Variants in RAB3IP observed in about 807,000 individuals in gnomAD.
The protein encoded by RAB3IP is RAB3A interacting protein, also known as rab-3A-interacting protein.
In RAB3IP, 36 loss-of-function variants were observed where a neutral mutation model predicts 59.1. The observed-to-expected ratio is 0.61, with a 90% confidence interval of 0.47 to 0.80. The LOEUF is 0.80. Among genes scored for constraint, RAB3IP ranks in the 30% least tolerant of loss-of-function variants. The pLI is 0.00. For missense variants in RAB3IP, 511 were observed against 536.0 expected (o/e 0.95, Z 0.46); for synonymous variants, 207 against 191.2 (o/e 1.08, Z -0.68).
At chr12:69,811,354 T>C (rs1880430621) in intron 8 of RAB3IP, among the ~76,000 whole-genome samples, 1 of 152,194 alleles carries the variant, frequency 6.6e-6, no homozygotes, top group Non-Finnish European at 1.5e-5. Context: ...TTTACCTATG[T>C]AATAAACCTG....
intron 4 of RAB3IP, among the ~76,000 whole-genome samples, chr12:69,793,104 A>T (rs768048769): frequency 6.0e-5 from 9 of 150,560 alleles, no homozygotes; most frequent in Non-Finnish European, 1.3e-4. Flanking sequence ...AGCAAATCTG[A>T]AACATTTGTT....
At position 69,822,979 on chromosome 12, in the gene RAB3IP, G is replaced by A. The variant is rs1426473498; in HGVS notation, c.*7533G>A. Reference sequence around the variant, plus strand: ...TATCCTGTACCACTGTAGGATGACTGTAGTTAACAATAATGTGTAGTTTCA... The same window carrying A: ...TATCCTGTACCACTGTAGGATGACTATAGTTAACAATAATGTGTAGTTTCA... On this transcript the variant is annotated 3_prime_UTR_variant, in exon 11 of 11. Transcript: ENST00000247833. The A allele has an allele frequency of 6.6e-6, 1 of 152,108 alleles. No individual in the cohort carries two copies. Among genetic ancestry groups the A allele is most frequent in the Admixed American group, 6.5e-5 (1 of 15,270 alleles). The allele number at this position is 152,108 out of a possible 1,614,324, so 9.4% of individuals were successfully genotyped here.
chr12:69,811,745 G>T (rs1448229631), intron 8 of RAB3IP, among the ~76,000 whole-genome samples: 1 of 152,112 alleles, frequency 6.6e-6, no homozygotes. Context: ...GAATTGATTT[G>T]TGATTTGAAT....
Position 69,819,082 on chromosome 12 carries a change from T to A in RAB3IP, c.*3636T>A, listed in dbSNP as rs1388794783. ...GGGCAACGTAGACCTTGCCCCCCTT[T>A]AAAAAAATTCAAAAACAAAATAAAT... On this transcript the variant is annotated 3_prime_UTR_variant, in exon 11 of 11. Transcript: ENST00000247833. 1 of 152,026 alleles carries A rather than the reference T, an allele frequency of 6.6e-6. No homozygotes were observed. Among genetic ancestry groups the A allele is most frequent in the African/African-American group, 2.4e-5 (1 of 41,372 alleles). 9.4% of individuals were successfully genotyped at this position (152,026 alleles called of 1,614,324 possible).
chr12:69,806,931 G>T (rs571344296), intron 8 of RAB3IP, among the ~76,000 whole-genome samples: 2 of 151,984 alleles, frequency 1.3e-5, no homozygotes, highest in East Asian at 3.9e-4. Flanking sequence ...CAAGGCAGAA[G>T]AATTTTTCTT....
intron 3 of RAB3IP, among the ~76,000 whole-genome samples, chr12:69,768,482 A>G (rs1290445328): frequency 1.3e-5 from 2 of 152,092 alleles, no homozygotes; most frequent in African/African-American, 2.4e-5. Context: ...CTGCTATGCT[A>G]CAGTGTATGC....
chr12:69,815,095 G>A (rs113122062), intron 10 of RAB3IP, among the ~76,000 whole-genome samples: 4 of 152,280 alleles, frequency 2.6e-5, no homozygotes, highest in African/African-American at 9.6e-5. Flanking sequence ...ATTTACTCAG[G>A]ATGCTGAATG....
chr12:69,769,168 C>G (rs557283957), intron 3 of RAB3IP, among the ~76,000 whole-genome samples: 3 of 152,144 alleles, frequency 2.0e-5, no homozygotes, highest in African/African-American at 4.8e-5. Context: ...ACTGTAAGTC[C>G]GTTAAACCTC....
chr12:69,804,552 A>G (rs1878930548), intron 8 of RAB3IP, among the ~76,000 whole-genome samples: 2 of 152,202 alleles, frequency 1.3e-5, no homozygotes, highest in Admixed American at 6.5e-5. Context: ...TTGGTGTTTT[A>G]GACATGAAGT....
chr12:69,806,791 A>C (rs1185265520), intron 8 of RAB3IP, among the ~76,000 whole-genome samples: 1 of 152,062 alleles, frequency 6.6e-6, no homozygotes, highest in Non-Finnish European at 1.5e-5. Context: ...CTTAATGAGC[A>C]TGCAGCCTTT....
At chr12:69,740,526 AGT>A (rs1592413678) in intron 1 of RAB3IP, among the ~76,000 whole-genome samples, 2 of 152,200 alleles carry the variant, frequency 1.3e-5, no homozygotes, top group African/African-American at 4.8e-5. Flanking sequence ...TGTGAACCAA[AGT>A]GTTTGATACA....
intron 3 of RAB3IP, among the ~76,000 whole-genome samples, chr12:69,772,528 AAT>A (rs139340776): frequency 1.4e-3 from 206 of 152,244 alleles, no homozygotes; most frequent in African/African-American, 4.2e-3. Flanking sequence ...TTTCTCTAGT[AAT>A]ATGTTTTGAC....
intron 1 of RAB3IP, chr12:69,739,494 A>G (rs912624241): frequency 1.3e-5 from 4 of 301,014 alleles, no homozygotes; most frequent in Non-Finnish European, 2.5e-5. Context: ...GAAGCAGCTC[A>G]CAACACCGGA....
chr12:69,805,744 A>G lies in RAB3IP; in HGVS notation c.1130+4023A>G, dbSNP rs556903181. ...TTTGTCAAAGGCCTTTTCTGCATCT[A>G]TTGAGATAATCATGTGGTTTTTGTC... On this transcript the variant is annotated intron_variant, in intron 8 of 10. Transcript: ENST00000247833. 6.9e-3 allele frequency among the ~76,000 whole-genome samples: 1,046 copies of G among 152,142 alleles called. 8 individuals carry two copies. The highest frequency in any genetic ancestry group is 0.023 in the African/African-American group (952 of 41,478).
At chr12:69,807,097 G>A (rs1021991593) in intron 8 of RAB3IP, among the ~76,000 whole-genome samples, 29 of 152,232 alleles carry the variant, frequency 1.9e-4, no homozygotes, top group Middle Eastern at 3.4e-3. Flanking sequence ...CTGTCTCTTC[G>A]GAGCTGTTGG....
chr12:69,780,937 G>A (rs905578326), intron 3 of RAB3IP, among the ~76,000 whole-genome samples: 15 of 151,756 alleles, frequency 9.9e-5, no homozygotes, highest in African/African-American at 2.9e-4. Context: ...ATACTAAACT[G>A]TCTCTTCCCT....
intron 3 of RAB3IP, among the ~76,000 whole-genome samples, chr12:69,762,795 GAGAAAA>G (rs1453986659): frequency 1.5e-4 from 22 of 144,118 alleles, no homozygotes; most frequent in South Asian, 2.2e-4. Context: ...AAGAGAAAAA[GAGAAAA>G]AGAAAAAGAA....
chr12:69,778,438 C>G (rs1304921415), intron 3 of RAB3IP, among the ~76,000 whole-genome samples: 1 of 141,022 alleles, frequency 7.1e-6, no homozygotes, highest in Non-Finnish European at 1.5e-5. Flanking sequence ...CTCCATCCAG[C>G]TTTGTTCTGT....
chr12:69,757,307 A>G (rs1385547627), intron 3 of RAB3IP, among the ~76,000 whole-genome samples: 1 of 152,248 alleles, frequency 6.6e-6, no homozygotes. Context: ...GAAGAGCAAA[A>G]TAAAACCAGA....
Sources: gnomAD v4.1 joint callset for allele counts (sites outside exome capture counted in the v4.1 genomes callset) on GRCh38, gnomAD v4.1.1 for gene constraint, MANE v1.5 for transcripts, NCBI Gene and HGNC (gene_info 2026-07-23, HGNC 2026-07-21) for gene names.